The following NAALADL2 variants were observed in gnomAD, a reference collection of about 807,000 sequenced individuals.
The protein encoded by NAALADL2 is inactive N-acetylated-alpha-linked acidic dipeptidase-like protein 2.
In NAALADL2, 76 loss-of-function variants were observed where a neutral mutation model predicts 87.2. The observed-to-expected ratio is 0.87, with a 90% CI of 0.72 to 1.05. The LOEUF is 1.05. Ranked by LOEUF, NAALADL2 falls within the 50% of genes least tolerant of loss-of-function variation. The probability of loss-of-function intolerance (pLI) is 0.00; values close to 1 mark genes in which losing one functional copy is unlikely to be tolerated. For missense variants in NAALADL2, 1,089 were observed against 945.8 expected (o/e 1.15, Z -1.99); for synonymous variants, 354 against 331.0 (o/e 1.07, Z -0.75).
At chr3:175,734,357 A>G (rs1032172008) in intron 11 of NAALADL2, among the ~76,000 whole-genome samples, 3 of 151,916 alleles carry the variant, frequency 2.0e-5, no homozygotes, top group Non-Finnish European at 4.4e-5. Context: ...GATCAAGACC[A>G]TCCTGACTAA....
chr3:175,647,404 G>A (rs960723027), intron 11 of NAALADL2, among the ~76,000 whole-genome samples: 3 of 152,086 alleles, frequency 2.0e-5, no homozygotes, highest in Admixed American at 6.5e-5. Context: ...TAAGTTGCTA[G>A]TTGAGAGTTT....
chr3:174,645,901 G>A (rs752672697), intron 2 of NAALADL2, among the ~76,000 whole-genome samples: 12 of 152,104 alleles, frequency 7.9e-5, no homozygotes, highest in Non-Finnish European at 1.8e-4. Flanking sequence ...TCTTATAAAG[G>A]CCTTAGGTAT....
chr3:175,786,786 C>T (rs1232855451), intron 13 of NAALADL2, among the ~76,000 whole-genome samples: 4 of 151,960 alleles, frequency 2.6e-5, no homozygotes, highest in Non-Finnish European at 4.4e-5. Flanking sequence ...AGGAGAGGCG[C>T]TCTGCGTTTT....
intron 2 of NAALADL2, among the ~76,000 whole-genome samples, chr3:175,160,824 G>A (rs964693124): frequency 1.3e-5 from 2 of 151,950 alleles, no homozygotes; most frequent in Admixed American, 6.6e-5. Flanking sequence ...TTTTGAAAAA[G>A]AATTTATGCC....
chr3:174,604,413 A>C (rs1189670377), intron 2 of NAALADL2, among the ~76,000 whole-genome samples: 1 of 152,006 alleles, frequency 6.6e-6, no homozygotes, highest in Non-Finnish European at 1.5e-5. Flanking sequence ...ATTGGAATGG[A>C]ATATCTTTTT....
chr3:175,512,523 C>A (rs1487278899), intron 9 of NAALADL2, among the ~76,000 whole-genome samples: 6 of 152,084 alleles, frequency 3.9e-5, no homozygotes, highest in Non-Finnish European at 7.4e-5. Context: ...CTATATCCAA[C>A]TTTATTGGTA....
intron 2 of NAALADL2, among the ~76,000 whole-genome samples, chr3:174,678,280 T>C (rs1226991964): frequency 6.6e-6 from 1 of 152,126 alleles, no homozygotes; most frequent in Non-Finnish European, 1.5e-5. Context: ...AGCTATTAGG[T>C]GATGCTGATA....
At chr3:175,364,765 C>G (rs1399930307) in intron 5 of NAALADL2, among the ~76,000 whole-genome samples, 2 of 147,136 alleles carry the variant, frequency 1.4e-5, no homozygotes, top group African/African-American at 4.9e-5. Context: ...ACATGAGGAA[C>G]AGATTATAAA....
At chr3:175,487,391 T>A (rs991077558) in intron 9 of NAALADL2, 4 of 399,672 alleles carry the variant, frequency 1.0e-5, no homozygotes, top group Non-Finnish European at 2.0e-5. Flanking sequence ...TGTACTCTGA[T>A]GTATTCCTGA....
At chr3:175,757,353 A>C (rs2150138586) in intron 13 of NAALADL2, among the ~76,000 whole-genome samples, 2 of 152,244 alleles carry the variant, frequency 1.3e-5, no homozygotes, top group Middle Eastern at 3.4e-3. Flanking sequence ...GGTGGCCCTA[A>C]GCACCTGAAT....
chr3:174,885,283 C>G (rs1308715244), intron 1 of NAALADL2, among the ~76,000 whole-genome samples: 3 of 152,144 alleles, frequency 2.0e-5, no homozygotes, highest in Non-Finnish European at 2.9e-5. Flanking sequence ...AATTTCAGCT[C>G]TTTGTCTGTA....
intron 13 of NAALADL2, among the ~76,000 whole-genome samples, chr3:175,795,454 A>G (rs2108315049): frequency 6.6e-6 from 1 of 152,058 alleles, no homozygotes; most frequent in Admixed American, 6.6e-5. Context: ...TAAGTGGATC[A>G]CGAGGTCAGG....
At chr3:174,592,685 A>G (rs924733866) in intron 2 of NAALADL2, among the ~76,000 whole-genome samples, 1 of 152,156 alleles carries the variant, frequency 6.6e-6, no homozygotes, top group African/African-American at 2.4e-5. Context: ...TTGGCTCCTC[A>G]CTAGCAGAAA....
chr3:175,665,802 A>G (rs561180024), intron 11 of NAALADL2, among the ~76,000 whole-genome samples: 1 of 152,008 alleles, frequency 6.6e-6, no homozygotes, highest in Admixed American at 6.6e-5. Context: ...GTGGTGGTGC[A>G]TGCCTGTAGT....
intron 5 of NAALADL2, among the ~76,000 whole-genome samples, chr3:175,374,243 A>AT (rs1455851638): frequency 2.6e-5 from 4 of 151,360 alleles, no homozygotes; most frequent in African/African-American, 9.7e-5. Context: ...ACGTTTTCTT[A>AT]TTTTTTCTTT....
At chr3:174,937,783 T>C (rs1212722823) in intron 1 of NAALADL2, among the ~76,000 whole-genome samples, 1 of 152,062 alleles carries the variant, frequency 6.6e-6, no homozygotes, top group Non-Finnish European at 1.5e-5. Context: ...TTATAGGCAA[T>C]ATTTGTAAAA....
chr3:175,619,022 G>A (rs6807419), intron 10 of NAALADL2, among the ~76,000 whole-genome samples: 2,850 of 152,228 alleles, frequency 0.019, 97 homozygotes, highest in African/African-American at 0.064. Context: ...TAGGGCTTCA[G>A]ACTGAACCTT....
intron 2 of NAALADL2, among the ~76,000 whole-genome samples, chr3:175,182,620 A>AC (rs71164622): frequency 0.73 from 103,768 of 141,522 alleles, 38,421 homozygotes; most frequent in Non-Finnish European, 0.8. Context: ...CAGGTCTCAA[A>AC]TTTTGACCTC....
chr3:174,983,938 A>T (rs9848128), intron 1 of NAALADL2, among the ~76,000 whole-genome samples: 1 of 152,092 alleles, frequency 6.6e-6, no homozygotes, highest in Admixed American at 6.5e-5. Flanking sequence ...AAAAAACTTG[A>T]TGAATACATA....
Sources: allele counts gnomAD v4.1 joint callset (sites outside exome capture counted in the v4.1 genomes callset), GRCh38; gene constraint gnomAD v4.1.1; transcripts MANE v1.5; gene names NCBI Gene and HGNC (gene_info 2026-07-23, HGNC 2026-07-21).